Variants in BMP3 observed in about 807,000 individuals in gnomAD.
BMP3 encodes the protein bone morphogenetic protein 3.
BMP3 carries 23 observed loss-of-function variants against 38.1 expected under a neutral mutation model. The ratio of observed to expected loss-of-function variants is 0.60; its 90% CI spans 0.43 to 0.86. The LOEUF (loss-of-function observed/expected upper bound fraction) is 0.86. Among genes scored for constraint, BMP3 ranks in the 40% least tolerant of loss-of-function variants. The probability of loss-of-function intolerance (pLI) is 0.00; values close to 1 mark genes in which losing one functional copy is unlikely to be tolerated. For synonymous variants in BMP3, 258 were observed against 225.7 expected (o/e 1.14, Z -1.28); for missense variants, 628 against 579.6 (o/e 1.08, Z -0.86).
intron 1 of BMP3, among the ~76,000 whole-genome samples, chr4:81,037,789 A>T (rs1350294517): frequency 1.3e-5 from 2 of 152,050 alleles, no homozygotes; most frequent in African/African-American, 2.4e-5. Flanking sequence ...TTCTGTCCTG[A>T]CCATGGTGGC....
rs1313661170 is a variant in BMP3 at position 81,050,278 on chromosome 4, A to G, written c.1228-3067A>G. On this transcript the variant is annotated intron_variant, in intron 2 of 2. Coordinates refer to ENST00000282701, the MANE Select transcript of BMP3 (RefSeq NM_001201.5). The stretch of plus-strand genomic sequence containing the variant: ...GCAGGTGCAGGCCTGACCATTGTAG[A>G]TTTCATTCACAGACACGGCAGTTTG... Among the ~76,000 whole-genome samples, 11 of 152,264 alleles carry G rather than the reference A, an allele frequency of 7.2e-5. No homozygotes were observed. In the South Asian group the frequency reaches 1.7e-3, roughly 23 times the overall value.
In BMP3 at chr4:81,046,095, G is replaced by A; in HGVS notation, c.674G>A (p.Gly225Glu). Residue 225 changes from glycine (G) to glutamate (E), a missense_variant, in exon 2 of 3, where the codon GGA (glycine) becomes GAA (glutamate). Gly to Glu is a moderately conservative substitution (Grantham distance 98). Coordinates refer to ENST00000282701, the MANE Select transcript of BMP3 (RefSeq NM_001201.5). ...FLIGFNITSK[G>E]RQLPKRRLPF... The stretch of plus-strand genomic sequence containing the variant: ...ATAGGATTTAACATTACGTCCAAGG[G>A]ACGCCAGCTGCCAAAGAGGAGGTTA... 6.2e-7 allele frequency: 1 copy of A among 1,614,160 alleles called. No individual in the cohort carries two copies. The highest frequency in any genetic ancestry group is 8.5e-7 in the Non-Finnish European group (1 of 1,180,032).
Position 81,039,772 on chromosome 4 carries a change from T to C in BMP3, c.317-5966T>C, listed in dbSNP as rs541967437. The stretch of plus-strand genomic sequence containing the variant: ...GTTGAACTAAATTTGCTCATGCATA[T>C]AAAAAAAGCTTTAGGGTCAAGCCCT... On this transcript the variant is annotated intron_variant, in intron 1 of 2. Transcript: ENST00000282701. 3.3e-5 allele frequency among the ~76,000 whole-genome samples: 5 copies of C among 152,186 alleles called. No homozygotes were observed. In the East Asian group the frequency reaches 9.7e-4, roughly 29 times the overall value.
intron 2 of BMP3, among the ~76,000 whole-genome samples, chr4:81,052,968 T>G (rs1344082325): frequency 6.6e-6 from 1 of 152,148 alleles, no homozygotes; most frequent in African/African-American, 2.4e-5. Context: ...ATTCCATGTT[T>G]GGGGGCTAAG....
rs930526984 is a variant in BMP3, at chr4:81,057,251, G to T, written c.*3715G>T. 2 of 151,568 alleles carry T rather than the reference G, an allele frequency of 1.3e-5. No individual in the cohort carries two copies. Among genetic ancestry groups the T allele is most frequent in the African/African-American group, 4.8e-5 (2 of 41,312 alleles). The allele number at this position is 151,568 out of a possible 1,614,324, so 9.4% of individuals were successfully genotyped here. A position where few individuals can be genotyped will look rare whatever the true frequency, so the allele number is the denominator to read the frequency against. On this transcript the variant is annotated 3_prime_UTR_variant, in exon 3 of 3. Coordinates refer to ENST00000282701, the MANE Select transcript of BMP3 (RefSeq NM_001201.5). ...TATATGTATATGGAAAAGGTTCAAA[G>T]ATGCTTTTAATTTATTTAATGACTA...
rs60606505 is a variant in BMP3 at position 81,053,601 on chromosome 4, GTTTTTTTTT to G, written c.*77_*85del. On this transcript the variant is annotated 3_prime_UTR_variant, in exon 3 of 3. Coordinates refer to ENST00000282701, the MANE Select transcript of BMP3 (RefSeq NM_001201.5). ...AGTTTATTTTTATGGACTTCTTCCT[GTTTTTTTTT>G]TTTTTTTTTTTGCACTGCCAATGCA... 2.2e-5 allele frequency: 8 copies of G among 357,148 alleles called. No individual in the cohort carries two copies. The highest frequency in any genetic ancestry group is 1.1e-4 in the South Asian group (1 of 9,478). 22.1% of individuals were successfully genotyped at this position (357,148 alleles called of 1,614,324 possible).
chr4:81,053,882 T>A lies in BMP3; in HGVS notation c.*346T>A, dbSNP rs151144163. The A allele has an allele frequency of 4.4e-4, 71 of 160,250 alleles. No individual in the cohort carries two copies. The East Asian group carries it at 0.012, about 26-fold the overall frequency. 9.9% of individuals were successfully genotyped at this position (160,250 alleles called of 1,614,324 possible). A position where few individuals can be genotyped will look rare whatever the true frequency, so the allele number is the denominator to read the frequency against. On this transcript the variant is annotated 3_prime_UTR_variant, in exon 3 of 3. Coordinates refer to ENST00000282701, the MANE Select transcript of BMP3 (RefSeq NM_001201.5). Reference sequence around the variant, plus strand: ...TGAAAACAGAATGGAGAAGCAGCAATAGCTTGTCATTTATCTCATTTAATG... The same window carrying A: ...TGAAAACAGAATGGAGAAGCAGCAAAAGCTTGTCATTTATCTCATTTAATG...
At chr4:81,044,907 A>G (rs1230679620) in intron 1 of BMP3, among the ~76,000 whole-genome samples, 1 of 152,188 alleles carries the variant, frequency 6.6e-6, no homozygotes, top group African/African-American at 2.4e-5. Flanking sequence ...ACTTTTGGCT[A>G]TTGTGACTAG....
intron 2 of BMP3, among the ~76,000 whole-genome samples, chr4:81,052,735 A>G (rs993335980): frequency 3.9e-5 from 6 of 152,142 alleles, no homozygotes; most frequent in African/African-American, 1.4e-4. Context: ...ATAGTGGAAT[A>G]GTAACCATCC....
intron 1 of BMP3, among the ~76,000 whole-genome samples, chr4:81,041,642 A>G (rs1221116994): frequency 6.6e-6 from 1 of 152,206 alleles, no homozygotes; most frequent in East Asian, 1.9e-4. Flanking sequence ...CTTCAATTCT[A>G]TAGAACTACT....
rs1739738128 is a variant in BMP3 at position 81,031,060 on chromosome 4, G to C, written c.-225G>C. The C allele has an allele frequency of 7.3e-6, 4 of 546,750 alleles. No homozygotes were observed. The Admixed American group carries it at 1.5e-4, about 20-fold the overall frequency. 33.9% of individuals were successfully genotyped at this position (546,750 alleles called of 1,614,324 possible). A position where few individuals can be genotyped will look rare whatever the true frequency, so the allele number is the denominator to read the frequency against. ...CGCCCGCAGCGCCCTGCGCGGGTGA[G>C]GTCCGCGCAGCTGCTGGGGAAGAGC... On this transcript the variant is annotated 5_prime_UTR_variant, in exon 1 of 3. Transcript: ENST00000282701.
At chr4:81,047,826 G>C (rs1448827415) in intron 2 of BMP3, among the ~76,000 whole-genome samples, 1 of 151,776 alleles carries the variant, frequency 6.6e-6, no homozygotes, top group African/African-American at 2.4e-5. Context: ...TGTAGTTCCA[G>C]CTACTCTGGA....
chr4:81,052,222 C>T (rs1348225824), intron 2 of BMP3, among the ~76,000 whole-genome samples: 2 of 152,062 alleles, frequency 1.3e-5, no homozygotes, highest in African/African-American at 2.4e-5. Context: ...AAGTCCTACT[C>T]CTGAATTGGT....
rs1355769621 is a variant in BMP3 at position 81,046,276 on chromosome 4, G to A, written c.855G>A (p.Arg285=). ...TCAGAGCTGCCCTTTCCATTGAGCG[G>A]AGGAAGAAGCGCTCTACTGGGGTCT... ...SHIRAALSIE[R]RKKRSTGVLL... is the part of the protein sequence containing the mutation. The change falls in exon 2 of 3, where the codon CGG becomes CGA. Residue 285 remains arginine (R), a synonymous_variant. Coordinates refer to ENST00000282701, the MANE Select transcript of BMP3 (RefSeq NM_001201.5). 1 of 1,614,078 alleles carries A rather than the reference G, an allele frequency of 6.2e-7. No homozygotes were observed. The highest frequency in any genetic ancestry group is 1.1e-5 in the South Asian group (1 of 91,076).
At chr4:81,051,470 C>T (rs978585436) in intron 2 of BMP3, among the ~76,000 whole-genome samples, 1 of 152,068 alleles carries the variant, frequency 6.6e-6, no homozygotes. Flanking sequence ...TTATAGGAGT[C>T]ATTAAACATT....
At position 81,056,373 on chromosome 4, in the gene BMP3, G is replaced by A. The variant is rs1740568031; in HGVS notation, c.*2837G>A. 6.6e-6 allele frequency: 1 copy of A among 150,376 alleles called. No individual in the cohort carries two copies. The allele number at this position is 150,376 out of a possible 1,614,324, so 9.3% of individuals were successfully genotyped here. On this transcript the variant is annotated 3_prime_UTR_variant, in exon 3 of 3. Coordinates refer to ENST00000282701, the MANE Select transcript of BMP3 (RefSeq NM_001201.5). ...TTTTTTTAAATGGAGTTTCACTCTT[G>A]TCGCCCAGGCTGGAGTGCAGTGGCG... is the stretch of plus-strand genomic sequence containing the variant.
chr4:81,035,317 CA>C (rs1203788676), intron 1 of BMP3, among the ~76,000 whole-genome samples: 3 of 151,462 alleles, frequency 2.0e-5, no homozygotes, highest in African/African-American at 7.3e-5. Context: ...TTGAAGAGAC[CA>C]AGTGTTTCAT....
Position 81,031,619 on chromosome 4 carries a change from A to C in BMP3, c.316+19A>C. The C allele has an allele frequency of 6.4e-7, 1 of 1,551,346 alleles. No homozygotes were observed. Among genetic ancestry groups the C allele is most frequent in the East Asian group, 2.3e-5 (1 of 43,076 alleles). ...GCAGCAGGTGAGTGCGCGAGGTGAG[A>C]CTCCCTTCCCGCGGTCCCGCCCCAG... On this transcript the variant is annotated intron_variant, in intron 1 of 2. Transcript: ENST00000282701.
intron 1 of BMP3, among the ~76,000 whole-genome samples, chr4:81,037,118 C>G (rs1578294229): frequency 6.6e-6 from 1 of 151,950 alleles, no homozygotes; most frequent in Non-Finnish European, 1.5e-5. Flanking sequence ...TCAGTTAGTT[C>G]TTTTTACTTT....
Sources: allele counts gnomAD v4.1 joint callset (sites outside exome capture counted in the v4.1 genomes callset), GRCh38; gene constraint gnomAD v4.1.1; transcripts MANE v1.5; gene names NCBI Gene and HGNC (gene_info 2026-07-23, HGNC 2026-07-21).